Variants in NTRK2 observed in about 807,000 individuals in gnomAD.
NTRK2 encodes the protein neurotrophic receptor tyrosine kinase 2.
In NTRK2, 13 loss-of-function variants were observed where a neutral mutation model predicts 94.5. The ratio of observed to expected loss-of-function variants is 0.14; its 90% CI spans 0.09 to 0.22. NTRK2 has a LOEUF of 0.22. NTRK2 is among the 10% of genes least tolerant of loss of function. The pLI is 1.00. For synonymous variants in NTRK2, 372 were observed against 407.4 expected (o/e 0.91, Z 1.05); for missense variants, 639 against 1,071.2 (o/e 0.60, Z 5.63).
intron 12 of NTRK2, among the ~76,000 whole-genome samples, chr9:84,843,988 A>T (rs933502423): frequency 6.6e-6 from 1 of 152,188 alleles, no homozygotes. Context: ...GCACAATATG[A>T]ACATTGAGCT....
chr9:84,953,696 T>C (rs1823757718), intron 16 of NTRK2, among the ~76,000 whole-genome samples: 1 of 152,242 alleles, frequency 6.6e-6, no homozygotes, highest in Non-Finnish European at 1.5e-5. Context: ...CCCCAGGGAA[T>C]GGTTAAATCC....
chr9:84,931,356 G>A lies in NTRK2; in HGVS notation c.1634-2806G>A, dbSNP rs2078019435. Among the ~76,000 whole-genome samples, 6 of 151,478 alleles carry A rather than the reference G, an allele frequency of 4.0e-5. No homozygotes were observed. In the South Asian group the frequency reaches 8.3e-4, roughly 21 times the overall value. The stretch of plus-strand genomic sequence containing the variant: ...TGGGAGGCGGAGGTTGCAGTGAGCC[G>A]AGATTGTTCCACTGCACTCCAGCCT... On this transcript the variant is annotated intron_variant, in intron 14 of 18. Coordinates refer to ENST00000277120, the MANE Select transcript of NTRK2 (RefSeq NM_006180.6).
rs551794687 is a variant in NTRK2 at position 84,957,236 on chromosome 9, G to A, written c.2172+1719G>A. Reference sequence around the variant, plus strand: ...CTGCAGTATTAGTAAAGGGTTCAACGTGCCTGGCACAAAAAGTGAGTGCTT... The same window carrying A: ...CTGCAGTATTAGTAAAGGGTTCAACATGCCTGGCACAAAAAGTGAGTGCTT... On this transcript the variant is annotated intron_variant, in intron 17 of 18. Transcript: ENST00000277120. Among the ~76,000 whole-genome samples the A allele has an allele frequency of 9.9e-5, 15 of 152,270 alleles. 1 individual carries two copies. The highest frequency in any genetic ancestry group is 3.3e-4 in the Admixed American group (5 of 15,290).
chr9:84,908,312 T>G (rs2077136471), intron 14 of NTRK2, among the ~76,000 whole-genome samples: 1 of 152,270 alleles, frequency 6.6e-6, no homozygotes, highest in African/African-American at 2.4e-5. Flanking sequence ...TAGAAGTGAC[T>G]TGTCTGGTCA....
At chr9:84,709,636 G>A (rs1385557171) in intron 5 of NTRK2, among the ~76,000 whole-genome samples, 1 of 152,072 alleles carries the variant, frequency 6.6e-6, no homozygotes, top group East Asian at 1.9e-4. Context: ...GCAAAGCCCA[G>A]GTCCTGTCTT....
chr9:84,970,222 C>G (rs1826027149), intron 17 of NTRK2, among the ~76,000 whole-genome samples: 1 of 151,970 alleles, frequency 6.6e-6, no homozygotes, highest in African/African-American at 2.4e-5. Context: ...CATGGCAAAA[C>G]CCCTTCTCTG....
chr9:84,768,373 T>C (rs1473003262), intron 12 of NTRK2, among the ~76,000 whole-genome samples: 4 of 152,140 alleles, frequency 2.6e-5, no homozygotes, highest in Non-Finnish European at 5.9e-5. Flanking sequence ...AGAATTTTGT[T>C]TGTGGAAGAC....
chr9:84,784,972 A>G (rs2067978986), intron 12 of NTRK2, among the ~76,000 whole-genome samples: 1 of 152,178 alleles, frequency 6.6e-6, no homozygotes, highest in Non-Finnish European at 1.5e-5. Context: ...GAACATTTAT[A>G]AAGTGTTTTT....
intron 17 of NTRK2, among the ~76,000 whole-genome samples, chr9:85,011,247 A>T (rs1831537291): frequency 6.6e-6 from 1 of 152,088 alleles, no homozygotes. Context: ...TGAAGATCTG[A>T]TAAAGGGCCA....
intron 17 of NTRK2, among the ~76,000 whole-genome samples, chr9:84,982,528 A>G (rs189310783): frequency 2.0e-5 from 3 of 152,332 alleles, no homozygotes; most frequent in South Asian, 2.1e-4. Flanking sequence ...TCTCTCTTCT[A>G]TATGCCAACT....
intron 14 of NTRK2, chr9:84,874,434 C>T (rs200402639): frequency 4.7e-6 from 5 of 1,065,766 alleles, no homozygotes; most frequent in Non-Finnish European, 5.7e-6. Context: ...GAGTAACCAC[C>T]GTAGCTGGGC....
chr9:84,980,136 A>C (rs7043641), intron 17 of NTRK2, among the ~76,000 whole-genome samples: 76,247 of 151,978 alleles, frequency 0.5, 19,591 homozygotes, highest in Middle Eastern at 0.6. Flanking sequence ...ATTTGTGTTC[A>C]TTTTGTGTGT....
intron 17 of NTRK2, among the ~76,000 whole-genome samples, chr9:84,973,911 C>A (rs1284027972): frequency 6.6e-6 from 1 of 152,190 alleles, no homozygotes; most frequent in Non-Finnish European, 1.5e-5. Flanking sequence ...TACAGTTTCT[C>A]CTACAGAATG....
intron 17 of NTRK2, among the ~76,000 whole-genome samples, chr9:84,983,787 C>A (rs1827950560): frequency 6.6e-6 from 1 of 152,186 alleles, no homozygotes; most frequent in East Asian, 1.9e-4. Context: ...CGATAGCTTT[C>A]ATTTTAAATG....
chr9:84,706,148 C>A (rs1176698501), intron 4 of NTRK2, among the ~76,000 whole-genome samples: 2 of 152,166 alleles, frequency 1.3e-5, no homozygotes, highest in Admixed American at 6.5e-5. Flanking sequence ...CATTTTACAA[C>A]TTCCTGGTGG....
chr9:84,883,523 C>T (rs2076327321), intron 14 of NTRK2, among the ~76,000 whole-genome samples: 1 of 152,138 alleles, frequency 6.6e-6, no homozygotes, highest in South Asian at 2.1e-4. Context: ...ATGACAAGCG[C>T]AATGTCTCCA....
intron 17 of NTRK2, among the ~76,000 whole-genome samples, chr9:84,984,558 A>G (rs749308427): frequency 6.6e-6 from 1 of 152,208 alleles, no homozygotes; most frequent in Non-Finnish European, 1.5e-5. Context: ...CTTAGGGTGG[A>G]GGTGGAACCC....
chr9:84,854,283 G>T lies in NTRK2; in HGVS notation c.1397-6757G>T, dbSNP rs1201554868. On this transcript the variant is annotated intron_variant, in intron 12 of 18. Coordinates refer to ENST00000277120, the MANE Select transcript of NTRK2 (RefSeq NM_006180.6). The stretch of plus-strand genomic sequence containing the variant: ...GGCATTTGAACTCCAGTTGTCCACA[G>T]TGTAACCCACTGGATAATGTATCCA... 2.0e-5 allele frequency among the ~76,000 whole-genome samples: 3 copies of T among 152,042 alleles called. No individual in the cohort carries two copies. The East Asian group carries it at 5.8e-4, about 29-fold the overall frequency.
chr9:84,815,384 A>G (rs199784522), intron 12 of NTRK2: 4 of 1,045,568 alleles, frequency 3.8e-6, no homozygotes, highest in Non-Finnish European at 3.5e-6. Flanking sequence ...AAGACAGTCC[A>G]TTTATGAATT....
Sources: allele counts gnomAD v4.1 joint callset (sites outside exome capture counted in the v4.1 genomes callset), GRCh38; gene constraint gnomAD v4.1.1; transcripts MANE v1.5; gene names NCBI Gene and HGNC (gene_info 2026-07-23, HGNC 2026-07-21).